The following SERPINB2 variants were observed in gnomAD, a reference collection of about 807,000 sequenced individuals.
SERPINB2 encodes serpin family B member 2.
A neutral mutation model predicts 39.4 loss-of-function variants in SERPINB2; 28 were observed. That is an observed-to-expected ratio of 0.71 (90% CI 0.53 to 0.97). The LOEUF is 0.97. Ranked by LOEUF, SERPINB2 falls within the 50% of genes least tolerant of loss-of-function variation. SERPINB2 has a pLI of 0.00. For missense variants in SERPINB2, 557 were observed against 505.3 expected (o/e 1.10, Z -0.98); for synonymous variants, 209 against 175.1 (o/e 1.19, Z -1.53).
intron 3 of SERPINB2, 142 bp downstream of exon 3, chr18:63,895,525 G>A: frequency 1.9e-6 from 2 of 1,068,670 alleles, no homozygotes; most frequent in Admixed American, 2.2e-5. Flanking sequence ...GAGTCATTAA[G>A]AAAAACATGT....
chr18:63,898,191 C>T (rs780703189), intron 5 of SERPINB2, among the ~76,000 whole-genome samples: 7 of 152,152 alleles, frequency 4.6e-5, no homozygotes, highest in Non-Finnish European at 8.8e-5. Flanking sequence ...CAAGGCTTGA[C>T]CCTGAGCTTA....
intron 7 of SERPINB2, 23 bp from the exon 8 acceptor site, chr18:63,902,878 T>A: frequency 6.5e-7 from 1 of 1,529,662 alleles, no homozygotes; most frequent in Non-Finnish European, 8.8e-7. Context: ...CTTTTGTTTG[T>A]TTTGTTTTGT....
chr18:63,893,074 A>C (rs1025551243), intron 2 of SERPINB2, among the ~76,000 whole-genome samples: 1 of 152,056 alleles, frequency 6.6e-6, no homozygotes, highest in Non-Finnish European at 1.5e-5. Context: ...CTGGGATTAC[A>C]GGCGCCTGCC....
At chr18:63,902,346 T>A (rs2144707571) in intron 6 of SERPINB2, 58 bp from the exon 7 acceptor site, 1 of 1,428,184 alleles carries the variant, frequency 7.0e-7, no homozygotes, top group Non-Finnish European at 9.4e-7. Context: ...TATGTCTAAT[T>A]GTAAATCTCT....
At chr18:63,902,878 T>G in intron 7 of SERPINB2, 23 bp from the exon 8 acceptor site, 4 of 1,529,660 alleles carry the variant, frequency 2.6e-6, no homozygotes, top group Non-Finnish European at 3.5e-6. Context: ...CTTTTGTTTG[T>G]TTTGTTTTGT....
chr18:63,901,051 A>T (rs1472015051), intron 5 of SERPINB2, among the ~76,000 whole-genome samples: 3 of 152,020 alleles, frequency 2.0e-5, no homozygotes, highest in African/African-American at 7.2e-5. Flanking sequence ...TTCTTAAACC[A>T]ATTTCATTTT....
chr18:63,897,189 G>A lies in SERPINB2; in HGVS notation c.387G>A (p.Leu129=). The A allele has an allele frequency of 6.2e-7, 1 of 1,612,606 alleles. No individual in the cohort carries two copies. The highest frequency in any genetic ancestry group is 8.5e-7 in the Non-Finnish European group (1 of 1,179,270). ...GNYLLESVNK[L]FGEKSASFRE... is the part of the protein sequence containing the mutation. ...ATTTACTGGAAAGTGTCAATAAGCT[G>A]TTTGGTGAGAAGTCTGCGAGCTTCC... The change falls in exon 4 of 8, where the codon CTG becomes CTA. Residue 129 remains leucine, a synonymous_variant. Transcript: ENST00000299502.
intron 5 of SERPINB2, among the ~76,000 whole-genome samples, chr18:63,898,655 AG>A (rs1419153566): frequency 2.0e-5 from 3 of 152,176 alleles, no homozygotes; most frequent in African/African-American, 7.2e-5. Flanking sequence ...CAATTGCTAT[AG>A]AGTAGTAGTC....
Position 63,903,366 on chromosome 18 carries a change from T to A in SERPINB2, c.*61T>A. The A allele has an allele frequency of 6.9e-7, 1 of 1,440,736 alleles. No homozygotes were observed. The allele number at this position is 1,440,736 out of a possible 1,614,324, so 89.2% of individuals were successfully genotyped here. On this transcript the variant is annotated 3_prime_UTR_variant, in exon 8 of 8. Transcript: ENST00000299502. ...GATGAGCTGTGTGCCTCAGAATTGC[T>A]ATTTCAAATTGCCAAAAATTTAGAG...
chr18:63,896,481 C>T (rs1285542115), intron 3 of SERPINB2, among the ~76,000 whole-genome samples: 2 of 152,246 alleles, frequency 1.3e-5, no homozygotes, highest in Non-Finnish European at 2.9e-5. Flanking sequence ...GCCAGCTTTA[C>T]TGAGGTATAA....
At chr18:63,899,559 T>C (rs986711022) in intron 5 of SERPINB2, among the ~76,000 whole-genome samples, 1 of 152,204 alleles carries the variant, frequency 6.6e-6, no homozygotes, top group South Asian at 2.1e-4. Flanking sequence ...CTGTTAGGAT[T>C]GAAAATGTCC....
At chr18:63,891,737 C>A in intron 2 of SERPINB2, 125 bp downstream of exon 2, 2 of 927,674 alleles carry the variant, frequency 2.2e-6, no homozygotes, top group Non-Finnish European at 3.1e-6. Flanking sequence ...GGTAATGAAG[C>A]ACTGATCCTT....
At chr18:63,898,812 C>G (rs1306834666) in intron 5 of SERPINB2, among the ~76,000 whole-genome samples, 1 of 152,036 alleles carries the variant, frequency 6.6e-6, no homozygotes, top group African/African-American at 2.4e-5. Context: ...GATTTCCAGA[C>G]AGAGTGCACA....
rs200662224 is a variant in SERPINB2 at position 63,897,758 on chromosome 18, C to A, written c.449C>A (p.Ser150Tyr). 31 of 1,612,480 alleles carry A rather than the reference C, an allele frequency of 1.9e-5. No homozygotes were observed. The highest frequency in any genetic ancestry group is 2.4e-5 in the Non-Finnish European group (28 of 1,178,782). The change falls in exon 5 of 8, where the codon TCC becomes TAC. Residue 150 changes from serine to tyrosine, a missense_variant. By Grantham distance (144) the Ser-to-Tyr change is moderately radical. Transcript: ENST00000299502. The part of the protein sequence containing the change: ...EYIRLCQKYY[S>Y]SEPQAVDFLE... ...ATTCGACTCTGTCAGAAATATTACT[C>A]CTCAGAACCCCAGGCAGTAGACTTC...
chr18:63,891,003 G>T (rs973578608), intron 1 of SERPINB2: 8 of 167,180 alleles, frequency 4.8e-5, no homozygotes, highest in African/African-American at 1.9e-4. Context: ...CAGCATAGAA[G>T]TTGAGAGCAT....
At chr18:63,892,561 T>C (rs1223794708) in intron 2 of SERPINB2, 1 of 152,228 alleles carries the variant, frequency 6.6e-6, no homozygotes, top group African/African-American at 2.4e-5. Flanking sequence ...ACGCATGCAT[T>C]GTGCATGCAG....
At chr18:63,889,633 AT>A (rs1371031319) in intron 1 of SERPINB2, among the ~76,000 whole-genome samples, 1 of 152,098 alleles carries the variant, frequency 6.6e-6, no homozygotes, top group African/African-American at 2.4e-5. Flanking sequence ...GAGATAATTA[AT>A]TTTAAAAATC....
intron 5 of SERPINB2, 129 bp from the exon 6 acceptor site, chr18:63,901,611 A>G (rs1599064407): frequency 1.6e-6 from 1 of 626,906 alleles, no homozygotes; most frequent in Non-Finnish European, 2.4e-6. Flanking sequence ...ATAAACCTAA[A>G]AAACTTTAGC....
chr18:63,895,519 C>A, intron 3 of SERPINB2, 136 bp downstream of exon 3: 1 of 1,124,366 alleles, frequency 8.9e-7, no homozygotes, highest in Admixed American at 2.2e-5. Context: ...GACTCAGAGT[C>A]ATTAAGAAAA....
Sources: gnomAD v4.1 joint callset for allele counts (sites outside exome capture counted in the v4.1 genomes callset) on GRCh38, gnomAD v4.1.1 for gene constraint, MANE v1.5 for transcripts, NCBI Gene and HGNC (gene_info 2026-07-23, HGNC 2026-07-21) for gene names.